ZNF438: variants seen among roughly 807,000 people sequenced by gnomAD.
The protein encoded by ZNF438 is zinc finger protein 438.
Under a neutral mutation model 38.0 loss-of-function variants are expected in ZNF438, and 25 were observed. That is an observed-to-expected ratio of 0.66 (90% CI 0.48 to 0.92). ZNF438 has a LOEUF of 0.92. ZNF438 is among the 40% of genes least tolerant of loss of function. The pLI, the probability that ZNF438 is intolerant of heterozygous loss-of-function variation, is 0.00. For synonymous variants in ZNF438, 372 were observed against 364.1 expected, an observed-to-expected ratio of 1.02 and a Z score of -0.25; for missense variants, 1,007 against 999.6, an observed-to-expected ratio of 1.01 and a Z score of -0.10.
chr10:31,026,284 C>T (rs998078745), intron 1 of ZNF438, among the ~76,000 whole-genome samples: 1 of 152,116 alleles, frequency 6.6e-6, no homozygotes, highest in Non-Finnish European at 1.5e-5. Flanking sequence ...AAAGAAACTA[C>T]CATAAAGAGT....
intron 1 of ZNF438, among the ~76,000 whole-genome samples, chr10:31,005,976 T>G (rs190690946): frequency 3.3e-5 from 5 of 152,348 alleles, no homozygotes; most frequent in African/African-American, 9.6e-5. Context: ...TCTCTTCAGC[T>G]TATTAACAGA....
At chr10:30,976,982 T>G (rs1026696755) in intron 1 of ZNF438, among the ~76,000 whole-genome samples, 1 of 152,254 alleles carries the variant, frequency 6.6e-6, no homozygotes, top group Admixed American at 6.5e-5. Flanking sequence ...TAAAGAAAAC[T>G]TCTTTAAAAA....
At chr10:30,890,504 C>T (rs1198646712) in intron 3 of ZNF438, among the ~76,000 whole-genome samples, 1 of 152,162 alleles carries the variant, frequency 6.6e-6, no homozygotes, top group Non-Finnish European at 1.5e-5. Flanking sequence ...AAATGTGCTC[C>T]TTCTCTATTT....
At chr10:30,891,835 A>G (rs970894391) in intron 3 of ZNF438, among the ~76,000 whole-genome samples, 1 of 152,166 alleles carries the variant, frequency 6.6e-6, no homozygotes, top group African/African-American at 2.4e-5. Context: ...AAAAGATTTG[A>G]GTCTTTCTAC....
chr10:30,986,735 T>C (rs950921311), intron 1 of ZNF438, among the ~76,000 whole-genome samples: 1 of 152,170 alleles, frequency 6.6e-6, no homozygotes, highest in Non-Finnish European at 1.5e-5. Context: ...AGTATTTCAT[T>C]TGCGCATGAC....
chr10:30,931,906 T>G (rs1759401515), intron 2 of ZNF438, among the ~76,000 whole-genome samples: 1 of 152,216 alleles, frequency 6.6e-6, no homozygotes. Flanking sequence ...TCAGTCTCAA[T>G]CTCTGACCCA....
intron 3 of ZNF438, among the ~76,000 whole-genome samples, chr10:30,896,123 A>T (rs964582001): frequency 1.3e-5 from 2 of 151,950 alleles, no homozygotes; most frequent in Non-Finnish European, 2.9e-5. Context: ...GTGAAACCCC[A>T]TCTCTACTAA....
chr10:30,892,746 C>T (rs2040853341), intron 3 of ZNF438, among the ~76,000 whole-genome samples: 1 of 152,180 alleles, frequency 6.6e-6, no homozygotes, highest in African/African-American at 2.4e-5. Flanking sequence ...CAGAAACTAA[C>T]ACATAGAAAT....
chr10:31,026,535 A>G (rs1270139157), intron 1 of ZNF438, among the ~76,000 whole-genome samples: 2 of 152,230 alleles, frequency 1.3e-5, no homozygotes, highest in African/African-American at 4.8e-5. Context: ...TCAAAACCAC[A>G]ATGAGATACC....
rs959411933 is a variant in ZNF438, at chr10:30,929,207, G to C, written c.-115+12368C>G. 2.6e-5 allele frequency among the ~76,000 whole-genome samples: 4 copies of C among 152,216 alleles called. No individual in the cohort carries two copies. In the East Asian group the frequency reaches 7.7e-4, roughly 29 times the overall value. ...GCAAATCAAGACTGTGTCTGAAATT[G>C]GTGGGTTCTTGGTCTCACTGACTTC... On this transcript the variant is annotated intron_variant, in intron 2 of 5. Coordinates refer to ENST00000413025, the Ensembl canonical transcript of ZNF438.
intron 1 of ZNF438, among the ~76,000 whole-genome samples, chr10:31,009,870 G>C (rs914130772): frequency 1.1e-4 from 16 of 140,020 alleles, no homozygotes; most frequent in African/African-American, 4.0e-4. Context: ...TTTTGAGATG[G>C]AGTCTCACTC....
intron 3 of ZNF438, among the ~76,000 whole-genome samples, chr10:30,893,500 G>C (rs2040956860): frequency 6.6e-6 from 1 of 152,160 alleles, no homozygotes; most frequent in Non-Finnish European, 1.5e-5. Context: ...AATTGAAAAA[G>C]TCAAACCACA....
chr10:31,029,589 T>C (rs923438706), intron 1 of ZNF438, among the ~76,000 whole-genome samples: 2 of 152,138 alleles, frequency 1.3e-5, no homozygotes, highest in Non-Finnish European at 2.9e-5. Context: ...CAAACCACCA[T>C]CATTTCACCT....
At chr10:30,944,018 T>G (rs1033009354) in intron 1 of ZNF438, among the ~76,000 whole-genome samples, 4 of 152,120 alleles carry the variant, frequency 2.6e-5, no homozygotes, top group Non-Finnish European at 4.4e-5. Flanking sequence ...CATAAGGAAC[T>G]GAAAGTAAGT....
chr10:30,985,224 A>G (rs1022830355), intron 1 of ZNF438, among the ~76,000 whole-genome samples: 1 of 152,222 alleles, frequency 6.6e-6, no homozygotes, highest in Non-Finnish European at 1.5e-5. Flanking sequence ...TAACTCCTCC[A>G]GTCTTGAATG....
chr10:30,913,830 A>C lies in ZNF438; in HGVS notation c.-114-4815T>G, dbSNP rs893856339. ...ACTTCTCTTGTATCTCCAACCTCAC[A>C]GTTTTTATTAAAATGAGTTAGGGAA... is the stretch of plus-strand genomic sequence containing the variant. On this transcript the variant is annotated intron_variant, in intron 2 of 5. Coordinates refer to ENST00000413025, the Ensembl canonical transcript of ZNF438. Among the ~76,000 whole-genome samples, 7 of 152,214 alleles carry C rather than the reference A, an allele frequency of 4.6e-5. 1 individual carries two copies. The highest frequency in any genetic ancestry group is 1.7e-4 in the African/African-American group (7 of 41,526).
rs545015811 is a variant in ZNF438, at chr10:30,862,254, T to C, written c.38-11887A>G. Reference sequence around the variant, plus strand: ...TTTAGTGAGCTGCACAGATATGGCATGGCAAGAAATCTTCCACCAACAAAC... The same window carrying C: ...TTTAGTGAGCTGCACAGATATGGCACGGCAAGAAATCTTCCACCAACAAAC... On this transcript the variant is annotated intron_variant, in intron 4 of 5. Transcript: ENST00000413025. Among the ~76,000 whole-genome samples, 8 of 152,312 alleles carry C rather than the reference T, an allele frequency of 5.3e-5. 1 individual carries two copies. In the South Asian group the frequency reaches 1.7e-3, roughly 32 times the overall value.
chr10:31,013,726 C>T (rs61845207), intron 1 of ZNF438, among the ~76,000 whole-genome samples: 10,649 of 152,160 alleles, frequency 0.07, 390 homozygotes, highest in Non-Finnish European at 0.074. Flanking sequence ...TCCCCCTCCA[C>T]ATTTTCTATC....
intron 1 of ZNF438, among the ~76,000 whole-genome samples, chr10:30,975,876 A>C (rs1243239500): frequency 2.0e-5 from 3 of 152,082 alleles, no homozygotes. Flanking sequence ...AGTTAATAAA[A>C]TAAATTGTGC....
Sources: gnomAD v4.1 joint callset for allele counts (sites outside exome capture counted in the v4.1 genomes callset) on GRCh38, gnomAD v4.1.1 for gene constraint, MANE v1.5 for transcripts, NCBI Gene and HGNC (gene_info 2026-07-23, HGNC 2026-07-21) for gene names.